Variants in NOTCH2NLC observed in about 807,000 individuals in gnomAD.
The protein encoded by NOTCH2NLC is notch 2 N-terminal like C.
A neutral mutation model predicts 17.7 loss-of-function variants in NOTCH2NLC; 4 were observed. The ratio of observed to expected loss-of-function variants is 0.23; its 90% CI spans 0.11 to 0.52. The LOEUF (loss-of-function observed/expected upper bound fraction) is 0.52, where lower values mean the gene tolerates loss of function less well. Among genes scored for constraint, NOTCH2NLC ranks in the 20% least tolerant of loss-of-function variants. The pLI is 0.96. For synonymous variants in NOTCH2NLC, 18 were observed against 86.0 expected, an observed-to-expected ratio of 0.21 and a Z score of 4.38; for missense variants, 57 against 207.2, an observed-to-expected ratio of 0.28 and a Z score of 4.45.
chr1:149,409,328 ATG>A (rs1196474216), intron 1 of NOTCH2NLC, among the ~76,000 whole-genome samples: 9,613 of 143,106 alleles, frequency 0.067, 507 homozygotes, highest in Middle Eastern at 0.091. Context: ...GTGTGTGTGC[ATG>A]TGTGTGTGTG....
In NOTCH2NLC at chr1:149,443,523, T is replaced by C. The variant is rs1433149275; in HGVS notation, c.210-11795T>C. Among the ~76,000 whole-genome samples the C allele has an allele frequency of 3.3e-5, 5 of 150,024 alleles. 1 individual carries two copies. Among genetic ancestry groups the C allele is most frequent in the Admixed American group, 1.3e-4 (2 of 14,994 alleles). On this transcript the variant is annotated intron_variant, in intron 2 of 4. Coordinates refer to ENST00000650865, the MANE Select transcript of NOTCH2NLC (RefSeq NM_001364013.2). ...ATAAGGGCTAATGAGTAACACAGGC[T>C]CAGGGTTATAAGAACAGAGGGGGTG...
chr1:149,461,036 G>C (rs2101512460), intron 3 of NOTCH2NLC, among the ~76,000 whole-genome samples: 1 of 148,982 alleles, frequency 6.7e-6, no homozygotes, highest in East Asian at 2.0e-4. Flanking sequence ...TTGGGTTCGA[G>C]TGATTCTTGT....
At chr1:149,462,782 T>TTA (rs1342329071) in intron 3 of NOTCH2NLC, among the ~76,000 whole-genome samples, 2 of 150,304 alleles carry the variant, frequency 1.3e-5, no homozygotes, top group Non-Finnish European at 3.0e-5. Flanking sequence ...GGTTGGAACT[T>TTA]TAGAGTTGCC....
intron 1 of NOTCH2NLC, among the ~76,000 whole-genome samples, chr1:149,419,935 C>T (rs1470987275): frequency 2.4e-5 from 3 of 126,340 alleles, no homozygotes; most frequent in African/African-American, 8.9e-5. Context: ...GGCACAATCT[C>T]GGCTCATTGC....
intron 1 of NOTCH2NLC, among the ~76,000 whole-genome samples, chr1:149,393,301 T>C (rs2084185928): frequency 6.6e-6 from 1 of 151,038 alleles, no homozygotes; most frequent in Non-Finnish European, 1.5e-5. Context: ...ACAGGTGTTC[T>C]TTAGATGCTA....
At chr1:149,402,520 C>G (rs1473097749) in intron 1 of NOTCH2NLC, among the ~76,000 whole-genome samples, 9 of 88,968 alleles carry the variant, frequency 1.0e-4, no homozygotes, top group African/African-American at 4.1e-4. Context: ...CAATATTTTT[C>G]TACATTATAG....
intron 1 of NOTCH2NLC, among the ~76,000 whole-genome samples, chr1:149,429,947 C>T (rs1319100542): frequency 3.3e-5 from 5 of 150,948 alleles, no homozygotes; most frequent in Non-Finnish European, 7.4e-5. Context: ...TATTGTTTGA[C>T]TAGGTTTCTT....
intron 1 of NOTCH2NLC, among the ~76,000 whole-genome samples, chr1:149,418,922 C>T (rs1481912977): frequency 5.3e-5 from 8 of 150,978 alleles, no homozygotes; most frequent in African/African-American, 1.7e-4. Context: ...CTCATTCGCT[C>T]GCTCGCTTGC....
intron 2 of NOTCH2NLC, among the ~76,000 whole-genome samples, chr1:149,445,599 G>C (rs1469646725): frequency 6.6e-6 from 1 of 150,766 alleles, no homozygotes; most frequent in African/African-American, 2.4e-5. Context: ...CTGCGGATTG[G>C]GGGGCCAAGA....
rs1428682487 is a variant in NOTCH2NLC, at chr1:149,437,208, T to A, written c.209+6193T>A. On this transcript the variant is annotated intron_variant, in intron 2 of 4. Transcript: ENST00000650865. ...AGGGCTGGGACCATGGTGAGGCAAG[T>A]AAGGCACAGGCCTCTCTTGTGAAAT... 1.3e-3 allele frequency among the ~76,000 whole-genome samples: 184 copies of A among 143,048 alleles called. 19 individuals are homozygous for A. The South Asian group carries it at 0.039, about 31-fold the overall frequency. The allele number at this position is 143,048 out of a possible 152,430, so 93.8% of individuals were successfully genotyped here.
intron 3 of NOTCH2NLC, among the ~76,000 whole-genome samples, chr1:149,460,907 CTTTCTTTCTCTCTCTT>C (rs1489874637): frequency 1.9e-3 from 230 of 118,538 alleles, no homozygotes; most frequent in Non-Finnish European, 3.3e-3. Flanking sequence ...TTCTTTCTTT[CTTTCTTTCTCTCTCTT>C]TCTCTCTTTC....
Position 149,400,132 on chromosome 1 carries a change from A to ATATAT in NOTCH2NLC, c.135+9210_135+9211insTATAT, listed in dbSNP as rs1464101913. On this transcript the variant is annotated intron_variant, in intron 1 of 4. Coordinates refer to ENST00000650865, the MANE Select transcript of NOTCH2NLC (RefSeq NM_001364013.2). The stretch of plus-strand genomic sequence containing the variant: ...TTTATTTATATATATATATATATAT[A>ATATAT]ATATATATTTTTTTTTTAGTTTATG... Among the ~76,000 whole-genome samples, 61 of 124,928 alleles carry ATATAT rather than the reference A, an allele frequency of 4.9e-4. 1 individual carries two copies. The highest frequency in any genetic ancestry group is 1.3e-3 in the African/African-American group (45 of 33,754). 82.0% of individuals were successfully genotyped at this position (124,928 alleles called of 152,430 possible). A position where few individuals can be genotyped will look rare whatever the true frequency, so the allele number is the denominator to read the frequency against.
intron 2 of NOTCH2NLC, among the ~76,000 whole-genome samples, chr1:149,446,444 G>A (rs1157484326): frequency 4.3e-5 from 6 of 138,792 alleles, no homozygotes; most frequent in South Asian, 2.3e-4. Context: ...AACCCCATGC[G>A]TATGTTTGAA....
intron 2 of NOTCH2NLC, among the ~76,000 whole-genome samples, chr1:149,449,106 C>T (rs1176777647): frequency 1.3e-5 from 2 of 149,980 alleles, no homozygotes; most frequent in Admixed American, 6.7e-5. Flanking sequence ...TGGTCTCGAT[C>T]TCCTGACCTG....
At chr1:149,399,264 T>A (rs1402719595) in intron 1 of NOTCH2NLC, among the ~76,000 whole-genome samples, 2 of 150,764 alleles carry the variant, frequency 1.3e-5, no homozygotes, top group African/African-American at 4.9e-5. Context: ...ATTCTGGAAG[T>A]TTTTAAGCCT....
rs1314729890 is a variant in NOTCH2NLC at position 149,454,560 on chromosome 1, C to G, written c.210-758C>G. 1.0e-3 allele frequency among the ~76,000 whole-genome samples: 151 copies of G among 150,252 alleles called. 8 individuals are homozygous for G. The East Asian group carries it at 0.021, about 21-fold the overall frequency. ...TTATTCTTCAATTGATTCCTTCCTT[C>G]ACTTTGGTGTTTATATGGTATCTTA... On this transcript the variant is annotated intron_variant, in intron 2 of 4. Transcript: ENST00000650865.
intron 3 of NOTCH2NLC, among the ~76,000 whole-genome samples, chr1:149,461,875 T>C (rs1354146719): frequency 1.4e-5 from 2 of 143,650 alleles, no homozygotes; most frequent in African/African-American, 2.6e-5. Flanking sequence ...AGCAAACTAT[T>C]GCAAGGACAA....
chr1:149,454,976 T>TA (rs2084608534), intron 2 of NOTCH2NLC, among the ~76,000 whole-genome samples: 1 of 123,182 alleles, frequency 8.1e-6, no homozygotes, highest in Admixed American at 8.7e-5. Flanking sequence ...AACAGTGCTC[T>TA]AAAAAAGGTG....
At chr1:149,392,881 C>A (rs1211785676) in intron 1 of NOTCH2NLC, among the ~76,000 whole-genome samples, 3 of 150,310 alleles carry the variant, frequency 2.0e-5, no homozygotes, top group African/African-American at 7.3e-5. Flanking sequence ...ACCATCCCGG[C>A]TAAAACGGTG....
Sources: gnomAD v4.1 joint callset for allele counts (sites outside exome capture counted in the v4.1 genomes callset) on GRCh38, gnomAD v4.1.1 for gene constraint, MANE v1.5 for transcripts, NCBI Gene and HGNC (gene_info 2026-07-23, HGNC 2026-07-21) for gene names.